NELL1: variants seen among roughly 807,000 people sequenced by gnomAD.
The protein encoded by NELL1 is protein kinase C-binding protein NELL1.
NELL1 carries 76 observed loss-of-function variants against 107.4 expected under a neutral mutation model. The observed-to-expected ratio is 0.71, with a 90% CI of 0.59 to 0.86. NELL1 has a LOEUF of 0.86. Ranked by LOEUF, NELL1 falls within the 40% of genes least tolerant of loss-of-function variation. The pLI is 0.00. For missense variants in NELL1, 1,024 were observed against 1,005.5 expected (o/e 1.02, Z -0.25); for synonymous variants, 353 against 341.2 (o/e 1.03, Z -0.38).
At chr11:21,106,425 C>G (rs1196169322) in intron 12 of NELL1, among the ~76,000 whole-genome samples, 2 of 152,096 alleles carry the variant, frequency 1.3e-5, no homozygotes, top group Non-Finnish European at 2.9e-5. Flanking sequence ...ACTATATAAG[C>G]ACTGTTTCTT....
intron 12 of NELL1, among the ~76,000 whole-genome samples, chr11:21,094,924 T>C (rs935613327): frequency 3.3e-5 from 5 of 152,050 alleles, no homozygotes; most frequent in African/African-American, 1.2e-4. Flanking sequence ...TCCTCATTAC[T>C]TATGCAAATT....
chr11:21,225,408 C>A (rs116458415), intron 13 of NELL1, among the ~76,000 whole-genome samples: 1 of 152,168 alleles, frequency 6.6e-6, no homozygotes, highest in African/African-American at 2.4e-5. Flanking sequence ...TGGCTGCTGG[C>A]AATCTCCCAC....
intron 15 of NELL1, among the ~76,000 whole-genome samples, chr11:21,523,281 C>A (rs991213610): frequency 6.6e-6 from 1 of 152,112 alleles, no homozygotes; most frequent in African/African-American, 2.4e-5. Context: ...TTGTATCCAG[C>A]AAAAATTGGG....
At chr11:21,133,109 A>G (rs565275511) in intron 13 of NELL1, among the ~76,000 whole-genome samples, 29 of 152,208 alleles carry the variant, frequency 1.9e-4, no homozygotes, top group African/African-American at 7.0e-4. Flanking sequence ...GGTCATCCCA[A>G]CAAGTGTCCA....
chr11:20,778,522 T>G (rs12796926), intron 2 of NELL1, among the ~76,000 whole-genome samples: 1 of 120,578 alleles, frequency 8.3e-6, no homozygotes, highest in Admixed American at 7.7e-5. Flanking sequence ...TTTTTTTTTT[T>G]GCTGATGTTT....
At chr11:21,360,205 C>G (rs1308264657) in intron 14 of NELL1, among the ~76,000 whole-genome samples, 1 of 151,930 alleles carries the variant, frequency 6.6e-6, no homozygotes, top group Non-Finnish European at 1.5e-5. Context: ...TATCATTCAA[C>G]TCAAAAAAAA....
At chr11:20,745,292 C>T (rs781236265) in intron 2 of NELL1, among the ~76,000 whole-genome samples, 2 of 152,178 alleles carry the variant, frequency 1.3e-5, no homozygotes, top group Non-Finnish European at 2.9e-5. Context: ...ATAAGTCTCA[C>T]ACATTGATCC....
intron 14 of NELL1, among the ~76,000 whole-genome samples, chr11:21,315,376 A>G (rs1219759630): frequency 6.6e-6 from 1 of 152,170 alleles, no homozygotes; most frequent in Non-Finnish European, 1.5e-5. Context: ...TTAAGACACA[A>G]GGGTCGATTG....
chr11:20,823,091 G>A (rs1857795937), intron 3 of NELL1, among the ~76,000 whole-genome samples: 1 of 141,312 alleles, frequency 7.1e-6, no homozygotes. Context: ...CTGTTTTCCA[G>A]CTGCTGATAA....
chr11:21,163,658 G>T (rs1016170664), intron 13 of NELL1, among the ~76,000 whole-genome samples: 1 of 152,140 alleles, frequency 6.6e-6, no homozygotes, highest in Non-Finnish European at 1.5e-5. Flanking sequence ...AGTTCTGGGG[G>T]TCAGGAAGTC....
At chr11:21,162,092 A>G (rs998895789) in intron 13 of NELL1, among the ~76,000 whole-genome samples, 4 of 151,854 alleles carry the variant, frequency 2.6e-5, no homozygotes, top group African/African-American at 9.7e-5. Context: ...CTAGAACTAT[A>G]GGCATGAGCC....
chr11:20,672,767 A>G (rs1219914515), intron 1 of NELL1, among the ~76,000 whole-genome samples: 5 of 152,184 alleles, frequency 3.3e-5, no homozygotes, highest in Admixed American at 3.3e-4. Flanking sequence ...TCACCAGGGC[A>G]GAGGGTGAAG....
At chr11:20,824,715 C>T (rs1490174328) in intron 3 of NELL1, among the ~76,000 whole-genome samples, 2 of 151,340 alleles carry the variant, frequency 1.3e-5, no homozygotes, top group African/African-American at 4.8e-5. Flanking sequence ...GGTATTTTGC[C>T]TCTGCCCTAG....
chr11:21,004,818 G>C (rs748974344), intron 12 of NELL1, among the ~76,000 whole-genome samples: 7 of 152,026 alleles, frequency 4.6e-5, no homozygotes, highest in Non-Finnish European at 7.4e-5. Context: ...GCTGCAATTT[G>C]TAAGACATAT....
intron 16 of NELL1, among the ~76,000 whole-genome samples, chr11:21,538,508 C>T (rs1856200379): frequency 6.6e-6 from 1 of 152,046 alleles, no homozygotes. Context: ...CTCTCTGTCT[C>T]TCTCTTTGTC....
chr11:21,096,155 C>A (rs933364396), intron 12 of NELL1, among the ~76,000 whole-genome samples: 1 of 152,154 alleles, frequency 6.6e-6, no homozygotes, highest in Non-Finnish European at 1.5e-5. Flanking sequence ...GATCACCAGG[C>A]CTTTTTATGA....
intron 2 of NELL1, among the ~76,000 whole-genome samples, chr11:20,737,237 C>A (rs879403937): frequency 1.3e-5 from 2 of 152,026 alleles, no homozygotes; most frequent in African/African-American, 2.4e-5. Flanking sequence ...TGTTATTCTC[C>A]TTTAAAAATA....
intron 2 of NELL1, among the ~76,000 whole-genome samples, chr11:20,740,596 G>C (rs2090676): frequency 0.65 from 98,061 of 151,872 alleles, 31,794 homozygotes; most frequent in Middle Eastern, 0.75. Context: ...TTAACAGATT[G>C]CTGCTGATGC....
At chr11:21,362,427 C>T (rs1851098277) in intron 14 of NELL1, among the ~76,000 whole-genome samples, 1 of 152,162 alleles carries the variant, frequency 6.6e-6, no homozygotes, top group Non-Finnish European at 1.5e-5. Flanking sequence ...TATGAGGGTC[C>T]TTGGTTGTGG....
Sources: gnomAD v4.1 joint callset for allele counts (sites outside exome capture counted in the v4.1 genomes callset) on GRCh38, gnomAD v4.1.1 for gene constraint, MANE v1.5 for transcripts, NCBI Gene and HGNC (gene_info 2026-07-23, HGNC 2026-07-21) for gene names.